Variants in CASP6 observed in about 807,000 individuals in gnomAD.
CASP6 encodes caspase 6.
In CASP6, 20 loss-of-function variants were observed where a neutral mutation model predicts 31.8. The ratio of observed to expected loss-of-function variants is 0.63; its 90% CI spans 0.44 to 0.91. CASP6 has a LOEUF of 0.91. Among genes scored for constraint, CASP6 ranks in the 40% least tolerant of loss-of-function variants. The probability of loss-of-function intolerance (pLI) is 0.00; values close to 1 mark genes in which losing one functional copy is unlikely to be tolerated. For synonymous variants in CASP6, 130 were observed against 127.8 expected (o/e 1.02, Z -0.12); for missense variants, 328 against 361.1 (o/e 0.91, Z 0.74).
intron 5 of CASP6, 138 bp downstream of exon 5, chr4:109,694,387 C>A (rs1228302298): frequency 4.5e-6 from 3 of 664,492 alleles, no homozygotes; most frequent in Non-Finnish European, 7.6e-6. Flanking sequence ...GCTCAAAGTG[C>A]AACTATGATT....
At chr4:109,696,594 CT>C in intron 3 of CASP6, 108 bp from the exon 4 acceptor site, 1 of 656,510 alleles carries the variant, frequency 1.5e-6, no homozygotes, top group Non-Finnish European at 2.6e-6. Flanking sequence ...AATTTGCTTT[CT>C]TTAGGAGAAA....
At chr4:109,684,819 G>T (rs777973999), downstream of CASP6, 1 of 529,168 alleles carries the variant, frequency 1.9e-6, no homozygotes, top group East Asian at 3.1e-5. Flanking sequence ...ACAACACAGA[G>T]AAATTATATA....
At chr4:109,684,386 T>C (rs773391886), downstream of CASP6, 27 of 1,395,406 alleles carry the variant, frequency 1.9e-5, no homozygotes, top group Non-Finnish European at 2.5e-5. Flanking sequence ...TCTTGCTTTT[T>C]GTCCCTTTAG....
intron 6 of CASP6, among the ~76,000 whole-genome samples, chr4:109,690,262 G>A (rs1579105493): frequency 3.5e-5 from 5 of 142,912 alleles, no homozygotes; most frequent in African/African-American, 1.0e-4. Flanking sequence ...ACGCACGCAC[G>A]CAATGGCTCA....
At chr4:109,701,828 T>A (rs1730429481) in intron 1 of CASP6, among the ~76,000 whole-genome samples, 1 of 152,114 alleles carries the variant, frequency 6.6e-6, no homozygotes, top group Admixed American at 6.5e-5. Flanking sequence ...CGTGCCAAGG[T>A]CGGCAAAGTG....
the CASP6 span, among the ~76,000 whole-genome samples, chr4:109,679,598 G>A: frequency 0.037 from 5,681 of 152,254 alleles, 378 homozygotes; most frequent in African/African-American, 0.13. Flanking sequence ...GTCCAGCCTC[G>A]GCAAGAGAGG....
At chr4:109,665,138 G>A in the CASP6 span, among the ~76,000 whole-genome samples, 570 of 152,164 alleles carry the variant, frequency 3.7e-3, 17 homozygotes, top group South Asian at 0.06. Flanking sequence ...GTTTACATTA[G>A]GGTTTACTCT....
chr4:109,709,665 A>C, the CASP6 span, among the ~76,000 whole-genome samples: 2 of 152,222 alleles, frequency 1.3e-5, no homozygotes, highest in Non-Finnish European at 2.9e-5. Context: ...ATAAAAGTGG[A>C]ACTTATTAAA....
chr4:109,683,880 A>G (rs1250072897), downstream of CASP6, among the ~76,000 whole-genome samples: 1 of 152,276 alleles, frequency 6.6e-6, no homozygotes, highest in Admixed American at 6.5e-5. Context: ...TGAGTTTTCA[A>G]TTGTATACTT....
intron 1 of CASP6, 58 bp downstream of exon 1, chr4:109,703,298 C>T: frequency 1.3e-6 from 2 of 1,568,734 alleles, no homozygotes; most frequent in East Asian, 2.3e-5. Flanking sequence ...CCTCGTTTCC[C>T]CTCCAGCCGG....
intron 1 of CASP6, among the ~76,000 whole-genome samples, chr4:109,701,768 T>A (rs1579114393): frequency 6.6e-6 from 1 of 152,206 alleles, no homozygotes; most frequent in East Asian, 1.9e-4. Context: ...TTAGATACCT[T>A]ATCTCACAGC....
chr4:109,698,196 A>G (rs554280249), intron 2 of CASP6, 104 bp downstream of exon 2: 2 of 1,252,162 alleles, frequency 1.6e-6, no homozygotes, highest in Admixed American at 2.4e-5. Context: ...TGGCCTACTC[A>G]GTTTTACTTC....
upstream of CASP6, among the ~76,000 whole-genome samples, chr4:109,707,937 G>C (rs1324173388): frequency 6.6e-6 from 1 of 152,164 alleles, no homozygotes; most frequent in Non-Finnish European, 1.5e-5. Flanking sequence ...TTTCAGATTT[G>C]ATGAAACGGT....
At chr4:109,667,039 T>C in the CASP6 span, among the ~76,000 whole-genome samples, 1 of 152,292 alleles carries the variant, frequency 6.6e-6, no homozygotes, top group African/African-American at 2.4e-5. Flanking sequence ...GATATTGGTC[T>C]GTGGTTTTGT....
At chr4:109,682,896 C>T in the CASP6 span, 5 of 576,734 alleles carry the variant, frequency 8.7e-6, no homozygotes, top group African/African-American at 9.5e-5. Context: ...TTATCTTCCT[C>T]ATTTTTCAGA....
chr4:109,664,911 A>G, the CASP6 span, among the ~76,000 whole-genome samples: 412 of 151,402 alleles, frequency 2.7e-3, 8 homozygotes, highest in East Asian at 0.051. Flanking sequence ...CAAGAATTCA[A>G]GTATACATGA....
downstream of CASP6, chr4:109,684,612 T>C: frequency 6.4e-7 from 1 of 1,570,402 alleles, no homozygotes; most frequent in South Asian, 1.1e-5. Context: ...GCAAATTCTA[T>C]GGTCTTTTTT....
rs566134864 is a variant in CASP6, at chr4:109,689,068, T to A, written c.*262A>T. On this transcript the variant is annotated 3_prime_UTR_variant, in exon 7 of 7. Coordinates refer to ENST00000265164, the MANE Select transcript of CASP6 (RefSeq NM_001226.4). Reference sequence around the variant, plus strand: ...TCGGCTCACCGCAGCCTCCACCTCCTGGGTTCAAGTGATTCTCCTGCCTCA... The same window carrying A: ...TCGGCTCACCGCAGCCTCCACCTCCAGGGTTCAAGTGATTCTCCTGCCTCA... 1.3e-5 allele frequency: 4 copies of A among 306,894 alleles called. No individual in the cohort carries two copies. The highest frequency in any genetic ancestry group is 1.3e-4 in the South Asian group (3 of 23,446). The allele number at this position is 306,894 out of a possible 1,614,324, so 19.0% of individuals were successfully genotyped here. A position where few individuals can be genotyped will look rare whatever the true frequency, so the allele number is the denominator to read the frequency against.
At chr4:109,679,669 A>G in the CASP6 span, among the ~76,000 whole-genome samples, 1 of 152,068 alleles carries the variant, frequency 6.6e-6, no homozygotes, top group Non-Finnish European at 1.5e-5. Context: ...GTTCTTTGTA[A>G]ATTATGGGGT....
Sources: allele counts gnomAD v4.1 joint callset (sites outside exome capture counted in the v4.1 genomes callset), GRCh38; gene constraint gnomAD v4.1.1; transcripts MANE v1.5; gene names NCBI Gene and HGNC (gene_info 2026-07-23, HGNC 2026-07-21).